ST7: variants seen among roughly 807,000 people sequenced by gnomAD.
The protein encoded by ST7 is suppressor of tumorigenicity 7 protein.
In ST7, 28 loss-of-function variants were observed where a neutral mutation model predicts 78.7. The ratio of observed to expected loss-of-function variants is 0.36; its 90% CI spans 0.26 to 0.49. ST7 has a LOEUF of 0.49. Ranked by LOEUF, ST7 falls within the 20% of genes least tolerant of loss-of-function variation. The pLI is 0.99. For missense variants in ST7, 418 were observed against 696.0 expected (o/e 0.60, Z 4.49); for synonymous variants, 247 against 249.6 (o/e 0.99, Z 0.10).
chr7:117,203,728 C>T (rs1338422472), intron 12 of ST7, among the ~76,000 whole-genome samples: 8 of 151,982 alleles, frequency 5.3e-5, no homozygotes, highest in Admixed American at 3.3e-4. Context: ...CTTTTTCTCT[C>T]CTCTCTCTCT....
At chr7:117,223,115 C>T (rs1802284894) in intron 15 of ST7, 1 of 659,622 alleles carries the variant, frequency 1.5e-6, no homozygotes. Context: ...CCCCACATCC[C>T]ATCGTCTCGG....
At chr7:117,118,059 G>GA (rs1490253661) in intron 2 of ST7, 1 of 152,532 alleles carries the variant, frequency 6.6e-6, no homozygotes, top group Non-Finnish European at 1.5e-5. Context: ...TCTGCCCAGA[G>GA]AAAATACTTG....
intron 10 of ST7, among the ~76,000 whole-genome samples, chr7:117,182,935 G>A (rs923022327): frequency 2.0e-5 from 3 of 152,112 alleles, no homozygotes; most frequent in Admixed American, 2.0e-4. Context: ...AAAGATTGAC[G>A]AACAATAATC....
chr7:117,080,984 C>T (rs1296365359), intron 1 of ST7: 2 of 152,046 alleles, frequency 1.3e-5, no homozygotes, highest in Non-Finnish European at 2.9e-5. Context: ...TACACAAAAA[C>T]AAGCAAAACT....
At chr7:117,157,771 T>C (rs1382599425) in intron 9 of ST7, among the ~76,000 whole-genome samples, 1 of 152,148 alleles carries the variant, frequency 6.6e-6, no homozygotes, top group Non-Finnish European at 1.5e-5. Flanking sequence ...CAGTGCCATG[T>C]CATCACAGAG....
At chr7:116,984,655 G>A (rs945361648) in intron 1 of ST7, among the ~76,000 whole-genome samples, 1 of 152,060 alleles carries the variant, frequency 6.6e-6, no homozygotes, top group African/African-American at 2.4e-5. Context: ...TTGTACAGTG[G>A]GGATTTTAAT....
intron 1 of ST7, among the ~76,000 whole-genome samples, chr7:117,037,597 A>G (rs1044674349): frequency 6.6e-6 from 1 of 152,224 alleles, no homozygotes; most frequent in Admixed American, 6.5e-5. Flanking sequence ...TATGTTCAGC[A>G]CATTGTGTTG....
At chr7:117,191,951 A>C (rs1809822021) in intron 12 of ST7, among the ~76,000 whole-genome samples, 1 of 137,008 alleles carries the variant, frequency 7.3e-6, no homozygotes, top group Admixed American at 7.1e-5. Context: ...GACAGAGATA[A>C]GTGATCTAAT....
intron 12 of ST7, among the ~76,000 whole-genome samples, chr7:117,200,903 G>A (rs1810782751): frequency 6.6e-6 from 1 of 150,514 alleles, no homozygotes; most frequent in Non-Finnish European, 1.5e-5. Context: ...CAAGAGGCTT[G>A]TGGAAGAAAA....
intron 1 of ST7, among the ~76,000 whole-genome samples, chr7:117,015,841 A>G (rs1212838254): frequency 6.6e-6 from 1 of 152,186 alleles, no homozygotes; most frequent in African/African-American, 2.4e-5. Flanking sequence ...AAACTAAAGA[A>G]CGAAGAATTG....
chr7:116,964,866 T>G (rs1299395822), intron 1 of ST7, among the ~76,000 whole-genome samples: 3 of 152,210 alleles, frequency 2.0e-5, no homozygotes, highest in Non-Finnish European at 2.9e-5. Context: ...AATGGAATCT[T>G]AAAAATCTTA....
intron 1 of ST7, among the ~76,000 whole-genome samples, chr7:116,993,787 A>C (rs1440642638): frequency 6.6e-6 from 1 of 152,248 alleles, no homozygotes; most frequent in African/African-American, 2.4e-5. Context: ...CTCACCATGT[A>C]GAAACTTCAC....
At chr7:117,206,271 C>G (rs765232166) in intron 12 of ST7, among the ~76,000 whole-genome samples, 9 of 152,032 alleles carry the variant, frequency 5.9e-5, no homozygotes, top group Non-Finnish European at 1.3e-4. Flanking sequence ...GCTGATTAGG[C>G]CAGGGATGTT....
At chr7:117,001,511 TAGTA>T (rs1244486407) in intron 1 of ST7, among the ~76,000 whole-genome samples, 2 of 152,128 alleles carry the variant, frequency 1.3e-5, no homozygotes, top group Non-Finnish European at 2.9e-5. Context: ...GACTAGTAGT[TAGTA>T]AGGTGATAAA....
chr7:117,199,648 G>A (rs1294675095), intron 12 of ST7, among the ~76,000 whole-genome samples: 2 of 152,128 alleles, frequency 1.3e-5, no homozygotes, highest in African/African-American at 2.4e-5. Flanking sequence ...TCCCAGCAGC[G>A]CATTCAGCTA....
At chr7:117,157,010 G>C (rs145599408) in intron 9 of ST7, among the ~76,000 whole-genome samples, 25 of 152,276 alleles carry the variant, frequency 1.6e-4, no homozygotes, top group African/African-American at 5.8e-4. Flanking sequence ...TTACCAGATG[G>C]GATGTTCACA....
intron 15 of ST7, among the ~76,000 whole-genome samples, chr7:117,226,156 A>G (rs533406158): frequency 1.3e-5 from 2 of 152,300 alleles, no homozygotes; most frequent in East Asian, 3.9e-4. Flanking sequence ...GTCTGATTGC[A>G]GTAGGGCACC....
intron 12 of ST7, among the ~76,000 whole-genome samples, chr7:117,203,099 A>T (rs988797142): frequency 2.6e-5 from 4 of 152,244 alleles, no homozygotes; most frequent in African/African-American, 9.6e-5. Context: ...GTTCAAACCC[A>T]GGTTGCTCAA....
At chr7:117,093,330 T>C (rs1800773942) in intron 1 of ST7, among the ~76,000 whole-genome samples, 1 of 152,216 alleles carries the variant, frequency 6.6e-6, no homozygotes, top group South Asian at 2.1e-4. Flanking sequence ...AATGCTAATA[T>C]GACAGCTACT....
Sources: gnomAD v4.1 joint callset for allele counts (sites outside exome capture counted in the v4.1 genomes callset) on GRCh38, gnomAD v4.1.1 for gene constraint, MANE v1.5 for transcripts, NCBI Gene and HGNC (gene_info 2026-07-23, HGNC 2026-07-21) for gene names.